ANK1: variants seen among roughly 807,000 people sequenced by gnomAD.
ANK1 encodes the protein ankyrin-1.
Under a neutral mutation model 210.4 loss-of-function variants are expected in ANK1, and 51 were observed. The observed-to-expected ratio is 0.24, with a 90% CI of 0.19 to 0.31. ANK1 has a LOEUF of 0.31. Ranked by LOEUF, ANK1 falls within the 10% of genes least tolerant of loss-of-function variation. The pLI is 1.00. For missense variants in ANK1, 2,051 were observed against 2,504.4 expected, an observed-to-expected ratio of 0.82 and a Z score of 3.86; for synonymous variants, 967 against 1,025.9, an observed-to-expected ratio of 0.94 and a Z score of 1.10.
At chr8:41,798,313 T>C (rs1849215009), upstream of ANK1, among the ~76,000 whole-genome samples, 1 of 152,162 alleles carries the variant, frequency 6.6e-6, no homozygotes, top group Non-Finnish European at 1.5e-5. Flanking sequence ...GTGGCCGATT[T>C]GCAGGGAATC....
intron 1 of ANK1, among the ~76,000 whole-genome samples, chr8:41,758,343 T>TTTTTG (rs1839670757): frequency 6.6e-6 from 1 of 152,052 alleles, no homozygotes; most frequent in Non-Finnish European, 1.5e-5. Flanking sequence ...GGTTTTTTGT[T>TTTTTG]TTTTGTTTTG....
chr8:41,714,301 T>C, intron 15 of ANK1, 47 bp from the exon 16 acceptor site: 1 of 1,469,912 alleles, frequency 6.8e-7, no homozygotes, highest in Admixed American at 2.0e-5. Flanking sequence ...TCCCACGGAC[T>C]TTCTCCCAGG....
At chr8:41,770,031 G>A (rs181766721) in intron 1 of ANK1, among the ~76,000 whole-genome samples, 24 of 140,212 alleles carry the variant, frequency 1.7e-4, no homozygotes, top group Non-Finnish European at 2.6e-4. Context: ...GCCCAGGCTG[G>A]AGTGCAATGG....
chr8:41,714,317 C>T, intron 15 of ANK1, 63 bp from the exon 16 acceptor site: 1 of 1,302,298 alleles, frequency 7.7e-7, no homozygotes, highest in Non-Finnish European at 1.1e-6. Context: ...CCAGGACTCC[C>T]TTTAGGCATG....
In ANK1 at chr8:41,672,791, C is replaced by G. The variant is rs777695533; in HGVS notation, c.4659G>C (p.Ala1553=). 12 of 1,604,230 alleles carry G rather than the reference C, an allele frequency of 7.5e-6. No individual in the cohort carries two copies. In the East Asian group the frequency reaches 2.7e-4, roughly 36 times the overall value. Reference sequence around the variant, plus strand: ...CCAGCATGGTGTCATGCTCCGTGGCCGCCAAGGGGATGGCGTCTAGGACGG... The same window carrying G: ...CCAGCATGGTGTCATGCTCCGTGGCGGCCAAGGGGATGGCGTCTAGGACGG... The part of the protein sequence containing the change: ...EVAVLDAIPL[A]ATEHDTMLEM... Residue 1553 remains alanine, a synonymous_variant, in exon 38 of 43, where the codon GCG becomes GCC. Transcript: ENST00000289734.
At chr8:41,716,096 G>C (rs1160226074) in intron 13 of ANK1, among the ~76,000 whole-genome samples, 1 of 152,102 alleles carries the variant, frequency 6.6e-6, no homozygotes, top group Non-Finnish European at 1.5e-5. Flanking sequence ...TTTCCCAAAG[G>C]CCCAGCCCTC....
At chr8:41,853,176 G>C (rs977828402) in intron 1 of ANK1, among the ~76,000 whole-genome samples, 8 of 152,186 alleles carry the variant, frequency 5.3e-5, no homozygotes, top group Non-Finnish European at 8.8e-5. Context: ...CAACTTTCCA[G>C]GAACACAACT....
In ANK1 at chr8:41,655,724, G is replaced by A. The variant is rs1347899881; in HGVS notation, c.*66C>T. On this transcript the variant is annotated 3_prime_UTR_variant, in exon 43 of 43. Coordinates refer to ENST00000289734, the MANE Select transcript of ANK1 (RefSeq NM_000037.4). ...CCTGTGTGCATGGCAGAGTGTGTGG[G>A]GTTCAGGGGTTGGGTGTCGAGGTGT... The A allele has an allele frequency of 6.2e-7, 1 of 1,614,080 alleles. No homozygotes were observed. The highest frequency in any genetic ancestry group is 8.5e-7 in the Non-Finnish European group (1 of 1,179,982).
rs1256917555 is a variant in ANK1, at chr8:41,686,224, G to T, written c.4318C>A (p.Pro1440Thr). The change falls in exon 36 of 43, where the codon CCC (proline) becomes ACC (threonine). Residue 1440 changes from proline to threonine, a missense_variant. Transcript: ENST00000289734. ...EDINRIRVEN[P>T]NSLLEQSVAL... ...ACACTCTGCTCCAACAGGGAGTTGGGATTTTCCACTCGGATCCTGTTGATG... is the reference window on the plus strand; with the variant it reads ...ACACTCTGCTCCAACAGGGAGTTGGTATTTTCCACTCGGATCCTGTTGATG... 1 of 1,614,196 alleles carries T rather than the reference G, an allele frequency of 6.2e-7. No homozygotes were observed. The highest frequency in any genetic ancestry group is 1.7e-5 in the Admixed American group (1 of 60,026).
intron 1 of ANK1, among the ~76,000 whole-genome samples, chr8:41,783,620 G>A (rs78215050): frequency 1.3e-5 from 1 of 75,076 alleles, no homozygotes; most frequent in East Asian, 2.0e-3. Context: ...TCTTAATGGA[G>A]ACTGACACTG....
chr8:41,700,745 A>G (rs937755075), intron 22 of ANK1, among the ~76,000 whole-genome samples: 25 of 152,148 alleles, frequency 1.6e-4, no homozygotes, highest in Admixed American at 1.4e-3. Context: ...AGTTCATACA[A>G]GCTGATACTA....
chr8:41,777,594 C>T (rs1177926034), intron 1 of ANK1, among the ~76,000 whole-genome samples: 1 of 151,960 alleles, frequency 6.6e-6, no homozygotes, highest in Non-Finnish European at 1.5e-5. Flanking sequence ...AAAAACAAAA[C>T]AAAACAACAA....
chr8:41,790,980 TC>T (rs1415268455), intron 1 of ANK1, among the ~76,000 whole-genome samples: 2 of 151,938 alleles, frequency 1.3e-5, no homozygotes, highest in African/African-American at 4.8e-5. Flanking sequence ...CCAGCCCAGC[TC>T]CCCCACCCAG....
chr8:41,756,887 A>G (rs1839286862), intron 2 of ANK1, among the ~76,000 whole-genome samples: 1 of 152,234 alleles, frequency 6.6e-6, no homozygotes, highest in African/African-American at 2.4e-5. Flanking sequence ...AAGCCACTAA[A>G]GTACAGAGGA....
intron 42 of ANK1, 171 bp downstream of exon 42, chr8:41,661,259 A>G: frequency 1.0e-6 from 1 of 1,004,098 alleles, no homozygotes; most frequent in Non-Finnish European, 1.5e-6. Context: ...GCTGGGGTTC[A>G]GAGCCAACTG....
chr8:41,794,082 T>A (rs769499916), intron 1 of ANK1, among the ~76,000 whole-genome samples: 6 of 152,150 alleles, frequency 3.9e-5, no homozygotes, highest in Non-Finnish European at 8.8e-5. Context: ...AAAACGTGAA[T>A]CCCTGGTTTC....
intron 22 of ANK1, chr8:41,700,427 A>T (rs1237726137): frequency 6.2e-7 from 1 of 1,613,530 alleles, no homozygotes; most frequent in African/African-American, 1.3e-5. Context: ...AAAGCATTTC[A>T]TACCCATTAT....
At chr8:41,725,718 G>A (rs1206859717) in intron 6 of ANK1, 43 bp downstream of exon 6, 1 of 1,585,544 alleles carries the variant, frequency 6.3e-7, no homozygotes, top group South Asian at 1.1e-5. Context: ...CTGAGCCCAC[G>A]GGCGTCCGCG....
intron 1 of ANK1, among the ~76,000 whole-genome samples, chr8:41,769,500 T>TAG (rs1335370900): frequency 6.6e-6 from 1 of 151,984 alleles, no homozygotes; most frequent in African/African-American, 2.4e-5. Flanking sequence ...CATTAATATT[T>TAG]AGAGAGAGAG....
Sources: gnomAD v4.1 joint callset for allele counts (sites outside exome capture counted in the v4.1 genomes callset) on GRCh38, gnomAD v4.1.1 for gene constraint, MANE v1.5 for transcripts, NCBI Gene and HGNC (gene_info 2026-07-23, HGNC 2026-07-21) for gene names.